SRFBP1: variants seen among roughly 807,000 people sequenced by gnomAD.
The protein encoded by SRFBP1 is serum response factor-binding protein 1.
A neutral mutation model predicts 45.5 loss-of-function variants in SRFBP1; 47 were observed. The ratio of observed to expected loss-of-function variants is 1.03; its 90% CI spans 0.82 to 1.32. The LOEUF is 1.32. Ranked by LOEUF, SRFBP1 falls within the 40% of genes most tolerant of loss-of-function variation. The pLI, the probability that SRFBP1 is intolerant of heterozygous loss-of-function variation, is 0.00. For missense variants in SRFBP1, 621 were observed against 484.6 expected (o/e 1.28, Z -2.64); for synonymous variants, 203 against 166.3 (o/e 1.22, Z -1.70).
rs138903307 is a variant in SRFBP1 at position 122,025,915 on chromosome 5, A to G, written c.1106-1027A>G. ...CAGGAGTTCGAGATCAGCCTGACCA[A>G]TATGTCTCTACTAAAAATACATAAA... On this transcript the variant is annotated intron_variant, in intron 7 of 7. Transcript: ENST00000339397. Among the ~76,000 whole-genome samples the G allele has an allele frequency of 2.1e-3, 322 of 152,208 alleles. 1 individual carries two copies. The highest frequency in any genetic ancestry group is 7.5e-3 in the African/African-American group (311 of 41,516).
At chr5:122,072,299 C>T (rs1198549643) in intron 2 of SRFBP1, among the ~76,000 whole-genome samples, 1 of 152,064 alleles carries the variant, frequency 6.6e-6, no homozygotes, top group Non-Finnish European at 1.5e-5. Context: ...CAAGCAAAAA[C>T]GAGTTACTAA....
chr5:121,964,978 G>T (rs1752032588), intron 1 of SRFBP1, among the ~76,000 whole-genome samples: 1 of 152,154 alleles, frequency 6.6e-6, no homozygotes, highest in African/African-American at 2.4e-5. Flanking sequence ...TTTGTTGGCT[G>T]CATAAATGAC....
chr5:122,056,311 T>C (rs944127359), intron 2 of SRFBP1, among the ~76,000 whole-genome samples: 5 of 152,068 alleles, frequency 3.3e-5, no homozygotes, highest in African/African-American at 1.2e-4. Flanking sequence ...ACCAGCTGAA[T>C]GTAAATAAGG....
intron 4 of SRFBP1, among the ~76,000 whole-genome samples, chr5:122,010,245 T>C (rs930022554): frequency 3.3e-5 from 5 of 152,184 alleles, no homozygotes; most frequent in African/African-American, 1.2e-4. Context: ...GAATTCATTA[T>C]AAGTACATGG....
chr5:122,015,635 A>G, intron 4 of SRFBP1, among the ~76,000 whole-genome samples: 1 of 152,250 alleles, frequency 6.6e-6, no homozygotes, highest in East Asian at 1.9e-4. Flanking sequence ...TAAATAAAAG[A>G]AAGTTCCAGC....
chr5:121,988,070 A>G (rs1291541657), intron 3 of SRFBP1, among the ~76,000 whole-genome samples: 1 of 152,238 alleles, frequency 6.6e-6, no homozygotes, highest in Non-Finnish European at 1.5e-5. Flanking sequence ...GTGTGGAATA[A>G]GAGAACTAGA....
At chr5:122,002,422 T>G (rs1489376137) in intron 4 of SRFBP1, among the ~76,000 whole-genome samples, 1 of 152,260 alleles carries the variant, frequency 6.6e-6, no homozygotes, top group African/African-American at 2.4e-5. Flanking sequence ...TGTAATGGGC[T>G]TACTCTTTTT....
At chr5:122,015,866 G>T (rs990906843) in intron 4 of SRFBP1, among the ~76,000 whole-genome samples, 1 of 152,044 alleles carries the variant, frequency 6.6e-6, no homozygotes, top group South Asian at 2.1e-4. Context: ...TGTTGTGGTA[G>T]GTAAAGATTT....
intron 2 of SRFBP1, among the ~76,000 whole-genome samples, chr5:122,046,275 C>G (rs1753857253): frequency 6.6e-6 from 1 of 152,036 alleles, no homozygotes; most frequent in South Asian, 2.1e-4. Flanking sequence ...CAATTCCCAC[C>G]TATGAGTGAG....
At chr5:121,994,323 GTTC>G (rs1752674588) in intron 3 of SRFBP1, among the ~76,000 whole-genome samples, 2 of 151,886 alleles carry the variant, frequency 1.3e-5, no homozygotes, top group African/African-American at 4.8e-5. Context: ...TTAAATAACT[GTTC>G]TTTGTGAGTC....
rs1752438731 is a variant in SRFBP1, at chr5:121,982,842, T to A, written c.198+7455T>A. 2.0e-5 allele frequency among the ~76,000 whole-genome samples: 3 copies of A among 151,742 alleles called. No individual in the cohort carries two copies. The South Asian group carries it at 6.2e-4, about 31-fold the overall frequency. ...ATGGCTTTTTTTTTAATGTTTCCCATTTATTTTTGTTTTGTTTTGATTAGA... is the reference window on the plus strand; with the variant it reads ...ATGGCTTTTTTTTTAATGTTTCCCAATTATTTTTGTTTTGTTTTGATTAGA... On this transcript the variant is annotated intron_variant, in intron 3 of 7. Transcript: ENST00000339397.
intron 2 of SRFBP1, chr5:122,069,987 A>T: frequency 9.0e-7 from 1 of 1,113,224 alleles, no homozygotes; most frequent in Non-Finnish European, 1.4e-6. Flanking sequence ...CATTCTATGT[A>T]TAATGTTTGG....
At chr5:122,077,999 A>G (rs764098732), downstream of SRFBP1, 1 of 1,442,468 alleles carries the variant, frequency 6.9e-7, no homozygotes, top group Admixed American at 2.9e-5. The surrounding 1 kb of genome is among the most constrained non-coding windows in gnomAD (Gnocchi z 4.9). Context: ...TCCTTTTGCC[A>G]GATTGACCCC....
At chr5:121,962,146 G>A (rs1751958585) in intron 1 of SRFBP1, 78 bp downstream of exon 1, 6 of 1,571,264 alleles carry the variant, frequency 3.8e-6, no homozygotes, top group Middle Eastern at 3.3e-4. Context: ...GTCGGAGGCG[G>A]GCATAGAGGG....
At chr5:122,038,054 A>T (rs1285792873) in intron 2 of SRFBP1, among the ~76,000 whole-genome samples, 1 of 152,070 alleles carries the variant, frequency 6.6e-6, no homozygotes, top group Non-Finnish European at 1.5e-5. Flanking sequence ...CTCATTTTTT[A>T]TGTCTTAGAT....
At chr5:122,034,858 T>C (rs895956189) in intron 2 of SRFBP1, among the ~76,000 whole-genome samples, 7 of 152,230 alleles carry the variant, frequency 4.6e-5, no homozygotes, top group African/African-American at 1.7e-4. Flanking sequence ...AAAAGAACCA[T>C]GGCTAAATCT....
downstream of SRFBP1, among the ~76,000 whole-genome samples, chr5:122,033,248 C>T (rs1753619873): frequency 6.6e-6 from 1 of 151,192 alleles, no homozygotes; most frequent in Non-Finnish European, 1.5e-5. Context: ...GTTTTATGTA[C>T]TGCAAATATT....
At chr5:122,035,335 A>C (rs1316876651) in intron 2 of SRFBP1, among the ~76,000 whole-genome samples, 1 of 152,110 alleles carries the variant, frequency 6.6e-6, no homozygotes, top group African/African-American at 2.4e-5. Context: ...CTAAGATTAG[A>C]TGCAAATTCC....
At chr5:122,064,367 T>G (rs1754243072) in intron 2 of SRFBP1, 1 of 151,804 alleles carries the variant, frequency 6.6e-6, no homozygotes, top group Non-Finnish European at 1.5e-5. Context: ...TTGTGAGTTA[T>G]TTGGGTGTGT....
Sources: allele counts gnomAD v4.1 joint callset (sites outside exome capture counted in the v4.1 genomes callset), GRCh38; gene constraint gnomAD v4.1.1; non-coding constraint Gnocchi (gnomAD v3.1); transcripts MANE v1.5; gene names NCBI Gene and HGNC (gene_info 2026-07-23, HGNC 2026-07-21).